The following RBFOX1 variants were observed in gnomAD, a reference collection of about 807,000 sequenced individuals.
The protein encoded by RBFOX1 is RNA binding fox-1 homolog 1.
RBFOX1 carries 8 observed loss-of-function variants against 57.7 expected under a neutral mutation model. That is an observed-to-expected ratio of 0.14 (90% CI 0.08 to 0.25). The LOEUF is 0.25. RBFOX1 is among the 10% of genes least tolerant of loss of function. The pLI, the probability that RBFOX1 is intolerant of heterozygous loss-of-function variation, is 1.00. For missense variants in RBFOX1, 611 were observed against 548.5 expected, an observed-to-expected ratio of 1.11 and a Z score of -1.14; for synonymous variants, 326 against 222.4, an observed-to-expected ratio of 1.47 and a Z score of -4.15.
At chr16:7,702,125 G>C (rs138018010) in intron 14 of RBFOX1, among the ~76,000 whole-genome samples, 6 of 152,106 alleles carry the variant, frequency 3.9e-5, no homozygotes, top group East Asian at 1.9e-4. Context: ...AAATGGATGC[G>C]CACTGGGATT....
intron 2 of RBFOX1, among the ~76,000 whole-genome samples, chr16:6,376,831 T>G (rs1006610783): frequency 6.6e-6 from 1 of 152,086 alleles, no homozygotes; most frequent in Admixed American, 6.6e-5. Flanking sequence ...AGGGAAGAAT[T>G]CTTGCTTTCC....
intron 2 of RBFOX1, among the ~76,000 whole-genome samples, chr16:6,515,589 A>G: frequency 6.6e-6 from 1 of 152,208 alleles, no homozygotes. Flanking sequence ...TTTCTAAAGA[A>G]GCCTTTTTAT....
intron 4 of RBFOX1, among the ~76,000 whole-genome samples, chr16:7,377,719 A>G (rs73549069): frequency 0.047 from 7,199 of 152,266 alleles, 593 homozygotes; most frequent in African/African-American, 0.17. Context: ...TCTAAGAACA[A>G]TTTCAGGCAC....
intron 3 of RBFOX1, among the ~76,000 whole-genome samples, chr16:5,708,286 G>A (rs1452501738): frequency 6.6e-6 from 1 of 152,064 alleles, no homozygotes; most frequent in African/African-American, 2.4e-5. Context: ...AGCAGATGAA[G>A]TATGAGGCAC....
At chr16:5,754,120 G>T (rs2053312743) in intron 3 of RBFOX1, among the ~76,000 whole-genome samples, 1 of 152,164 alleles carries the variant, frequency 6.6e-6, no homozygotes, top group Non-Finnish European at 1.5e-5. Context: ...GGTAATTTTA[G>T]CCATGCAAGT....
At chr16:7,391,476 T>C (rs2098020350) in intron 4 of RBFOX1, among the ~76,000 whole-genome samples, 1 of 152,224 alleles carries the variant, frequency 6.6e-6, no homozygotes, top group Non-Finnish European at 1.5e-5. Flanking sequence ...TTCCTCCCTT[T>C]CTTGCATAGC....
At chr16:7,000,538 T>C (rs919887343) in intron 3 of RBFOX1, among the ~76,000 whole-genome samples, 2 of 151,944 alleles carry the variant, frequency 1.3e-5, no homozygotes, top group African/African-American at 4.8e-5. Context: ...TTGTTCAATT[T>C]TGCTTTTGGC....
chr16:6,978,851 G>C (rs910097281), intron 3 of RBFOX1, among the ~76,000 whole-genome samples: 1 of 152,146 alleles, frequency 6.6e-6, no homozygotes, highest in Non-Finnish European at 1.5e-5. Context: ...CCTTCGCGCA[G>C]AGCTGCTTCA....
chr16:6,867,983 A>G (rs1241080537), intron 3 of RBFOX1, among the ~76,000 whole-genome samples: 5 of 152,292 alleles, frequency 3.3e-5, no homozygotes, highest in Admixed American at 2.0e-4. Context: ...TGATTTCTGT[A>G]CTTGATTTTT....
chr16:5,252,622 T>C (rs2062481161), intron 1 of RBFOX1, among the ~76,000 whole-genome samples: 1 of 152,198 alleles, frequency 6.6e-6, no homozygotes, highest in Non-Finnish European at 1.5e-5. Context: ...GGCAGCACTG[T>C]CCAGCACCTG....
intron 4 of RBFOX1, among the ~76,000 whole-genome samples, chr16:7,268,993 C>T (rs1434921743): frequency 4.2e-5 from 6 of 143,232 alleles, no homozygotes; most frequent in South Asian, 2.2e-4. Context: ...GCCGAGATCA[C>T]GCCAGTGCAC....
intron 3 of RBFOX1, among the ~76,000 whole-genome samples, chr16:6,965,028 A>G (rs78224135): frequency 0.055 from 8,295 of 152,038 alleles, 253 homozygotes; most frequent in African/African-American, 0.072. Context: ...TTGTTGCTTT[A>G]TTATCTCTAG....
chr16:5,318,564 C>A (rs187388450), intron 1 of RBFOX1, among the ~76,000 whole-genome samples: 2 of 149,950 alleles, frequency 1.3e-5, no homozygotes, highest in African/African-American at 4.8e-5. Flanking sequence ...TAAGAGCAAC[C>A]TATTTGCATT....
intron 3 of RBFOX1, among the ~76,000 whole-genome samples, chr16:6,835,429 C>T (rs1375436887): frequency 6.6e-6 from 1 of 152,066 alleles, no homozygotes; most frequent in African/African-American, 2.4e-5. Context: ...CATTAACTTC[C>T]AAATCTCAGT....
At chr16:5,380,861 C>T (rs1046526324) in intron 1 of RBFOX1, among the ~76,000 whole-genome samples, 1 of 152,172 alleles carries the variant, frequency 6.6e-6, no homozygotes, top group African/African-American at 2.4e-5. Flanking sequence ...TGAGGATGTA[C>T]TCATGCATGA....
chr16:6,108,611 G>C (rs191727171), intron 1 of RBFOX1, among the ~76,000 whole-genome samples: 2 of 152,178 alleles, frequency 1.3e-5, no homozygotes, highest in South Asian at 2.1e-4. Flanking sequence ...TTGTCACACA[G>C]TTGGTGGCTT....
At chr16:7,218,576 G>C (rs986328040) in intron 4 of RBFOX1, among the ~76,000 whole-genome samples, 25 of 151,430 alleles carry the variant, frequency 1.7e-4, no homozygotes, top group African/African-American at 5.6e-4. Flanking sequence ...GTTTTTTTGA[G>C]TGATTTTGTT....
intron 5 of RBFOX1, among the ~76,000 whole-genome samples, chr16:7,560,997 A>C (rs1232551036): frequency 2.6e-5 from 4 of 152,084 alleles, no homozygotes; most frequent in Non-Finnish European, 4.4e-5. Context: ...TGGTTTATTC[A>C]TTTCTCCTCC....
At chr16:5,378,599 G>A (rs2066050602) in intron 1 of RBFOX1, among the ~76,000 whole-genome samples, 1 of 151,520 alleles carries the variant, frequency 6.6e-6, no homozygotes, top group African/African-American at 2.5e-5. Flanking sequence ...CCTGGGACGT[G>A]GTACTTTCCA....
Sources: gnomAD v4.1 joint callset for allele counts (sites outside exome capture counted in the v4.1 genomes callset) on GRCh38, gnomAD v4.1.1 for gene constraint, MANE v1.5 for transcripts, NCBI Gene and HGNC (gene_info 2026-07-23, HGNC 2026-07-21) for gene names.